Variants in LRMDA observed in about 807,000 individuals in gnomAD.
LRMDA encodes the protein leucine rich melanocyte differentiation associated.
Under a neutral mutation model 29.8 loss-of-function variants are expected in LRMDA, and 18 were observed. The ratio of observed to expected loss-of-function variants is 0.60; its 90% confidence interval spans 0.42 to 0.90. LRMDA has a LOEUF of 0.90. Among genes scored for constraint, LRMDA ranks in the 40% least tolerant of loss-of-function variants. LRMDA has a pLI of 0.00. For synonymous variants in LRMDA, 125 were observed against 109.4 expected (o/e 1.14, Z -0.89); for missense variants, 273 against 273.9 (o/e 1.00, Z 0.02).
At chr10:76,185,626 C>T (rs1049886678) in intron 5 of LRMDA, among the ~76,000 whole-genome samples, 5 of 152,098 alleles carry the variant, frequency 3.3e-5, no homozygotes, top group Non-Finnish European at 5.9e-5. Context: ...CATGTTTGTG[C>T]GAGGGATATG....
In LRMDA at chr10:75,968,862, G is replaced by T. The variant is rs1473191469; in HGVS notation, c.132-67146G>T. 2.6e-5 allele frequency among the ~76,000 whole-genome samples: 4 copies of T among 152,136 alleles called. No individual in the cohort carries two copies. The East Asian group carries it at 7.7e-4, about 29-fold the overall frequency. Reference sequence around the variant, plus strand: ...TGAAAACAAACCTAGAACCTTGAGGGTACTATAGCTGTTTATGTGGCTATT... The same window carrying T: ...TGAAAACAAACCTAGAACCTTGAGGTTACTATAGCTGTTTATGTGGCTATT... On this transcript the variant is annotated intron_variant, in intron 2 of 6. Coordinates refer to ENST00000611255, the MANE Select transcript of LRMDA (RefSeq NM_001305581.2).
chr10:75,930,061 G>C (rs1433390778), intron 2 of LRMDA, among the ~76,000 whole-genome samples: 1 of 152,122 alleles, frequency 6.6e-6, no homozygotes, highest in East Asian at 1.9e-4. Flanking sequence ...CTGCTTCCTT[G>C]GAATCATATG....
At chr10:75,660,817 A>T (rs966057523) in intron 2 of LRMDA, among the ~76,000 whole-genome samples, 2 of 152,004 alleles carry the variant, frequency 1.3e-5, no homozygotes, top group African/African-American at 4.8e-5. Context: ...AAAGAAAAAA[A>T]CCCTTTTCCA....
chr10:75,564,546 TGCACCCACTGTCTG>T (rs1840345477), intron 2 of LRMDA, among the ~76,000 whole-genome samples: 1 of 152,252 alleles, frequency 6.6e-6, no homozygotes, highest in Non-Finnish European at 1.5e-5. Context: ...CCCACTGTCC[TGCACCCACTGTCTG>T]GCACTCCCTA....
At chr10:76,509,877 A>T (rs1472527734) in intron 6 of LRMDA, among the ~76,000 whole-genome samples, 2 of 152,152 alleles carry the variant, frequency 1.3e-5, no homozygotes, top group African/African-American at 4.8e-5. Context: ...AGTCTGGATT[A>T]TCTGAAGCTC....
At chr10:76,106,448 C>G (rs1004034052) in intron 5 of LRMDA, among the ~76,000 whole-genome samples, 7 of 152,144 alleles carry the variant, frequency 4.6e-5, no homozygotes, top group African/African-American at 1.7e-4. Context: ...GGATGGGAAC[C>G]CCTGTTGGTC....
intron 2 of LRMDA, among the ~76,000 whole-genome samples, chr10:75,703,977 G>A (rs965802423): frequency 4.6e-5 from 7 of 152,170 alleles, no homozygotes; most frequent in African/African-American, 1.4e-4. Flanking sequence ...GCCAAGTTCT[G>A]GTTCTATAAA....
At chr10:76,049,326 C>G (rs917893392) in intron 4 of LRMDA, among the ~76,000 whole-genome samples, 1 of 152,142 alleles carries the variant, frequency 6.6e-6, no homozygotes, top group African/African-American at 2.4e-5. Flanking sequence ...AAAATCATAA[C>G]TAGTCAAAAT....
intron 2 of LRMDA, among the ~76,000 whole-genome samples, chr10:75,988,685 A>G (rs1215335153): frequency 1.3e-5 from 2 of 152,078 alleles, no homozygotes; most frequent in Admixed American, 1.3e-4. Flanking sequence ...AAAATGTTAG[A>G]TGAGACCCTG....
intron 2 of LRMDA, among the ~76,000 whole-genome samples, chr10:75,460,697 C>G (rs4237281): frequency 0.94 from 143,336 of 152,234 alleles, 67,564 homozygotes; most frequent in East Asian, 0.98. Flanking sequence ...TTGGGATCAG[C>G]CTGTATAAAA....
intron 2 of LRMDA, among the ~76,000 whole-genome samples, chr10:75,590,645 T>C (rs1564517181): frequency 6.6e-6 from 1 of 151,514 alleles, no homozygotes; most frequent in East Asian, 1.9e-4. Context: ...GCTATTATAA[T>C]ATATGGCATT....
At chr10:75,788,165 C>G (rs1339749763) in intron 2 of LRMDA, among the ~76,000 whole-genome samples, 2 of 152,214 alleles carry the variant, frequency 1.3e-5, no homozygotes, top group East Asian at 3.8e-4. Flanking sequence ...TGTGCCACCG[C>G]ACTGCAGCCT....
chr10:76,076,503 G>A (rs745601495), intron 5 of LRMDA, among the ~76,000 whole-genome samples: 14 of 151,880 alleles, frequency 9.2e-5, no homozygotes, highest in South Asian at 6.2e-4. Context: ...GCATTGTCAC[G>A]CACGTGATCT....
At chr10:75,854,112 G>T (rs1844780026) in intron 2 of LRMDA, among the ~76,000 whole-genome samples, 2 of 152,248 alleles carry the variant, frequency 1.3e-5, no homozygotes, top group East Asian at 3.9e-4. Context: ...AAGATTTGTT[G>T]ATTGTTGGAC....
chr10:76,138,617 A>T (rs1229636569), intron 5 of LRMDA, among the ~76,000 whole-genome samples: 1 of 152,170 alleles, frequency 6.6e-6, no homozygotes, highest in African/African-American at 2.4e-5. Context: ...TAGATAGAAC[A>T]GTTTTCCATA....
At chr10:75,773,091 ATTTT>A (rs1843265996) in intron 2 of LRMDA, among the ~76,000 whole-genome samples, 1 of 152,224 alleles carries the variant, frequency 6.6e-6, no homozygotes, top group Non-Finnish European at 1.5e-5. Context: ...CACTGTTGAC[ATTTT>A]AGGTAGAAAA....
intron 6 of LRMDA, among the ~76,000 whole-genome samples, chr10:76,352,509 A>C (rs940922897): frequency 9.9e-5 from 15 of 151,958 alleles, no homozygotes; most frequent in African/African-American, 3.6e-4. Context: ...CATAGCGATG[A>C]CTCACATCCT....
chr10:75,562,717 C>T (rs1840315335), intron 2 of LRMDA, among the ~76,000 whole-genome samples: 2 of 152,218 alleles, frequency 1.3e-5, no homozygotes, highest in South Asian at 4.2e-4. Flanking sequence ...TCTTTTAGGG[C>T]AGGCCTGGTG....
intron 6 of LRMDA, among the ~76,000 whole-genome samples, chr10:76,506,109 C>G (rs913095490): frequency 6.6e-6 from 1 of 152,080 alleles, no homozygotes; most frequent in Non-Finnish European, 1.5e-5. Context: ...CCTCACCTCT[C>G]TTTTGACTCT....
Sources: gnomAD v4.1 joint callset for allele counts (sites outside exome capture counted in the v4.1 genomes callset) on GRCh38, gnomAD v4.1.1 for gene constraint, MANE v1.5 for transcripts, NCBI Gene and HGNC (gene_info 2026-07-23, HGNC 2026-07-21) for gene names.